Variants in EXOC6B observed in about 807,000 individuals in gnomAD.
EXOC6B encodes exocyst complex component 6B.
EXOC6B carries 54 observed loss-of-function variants against 113.5 expected under a neutral mutation model. That is an observed-to-expected ratio of 0.48 (90% CI 0.38 to 0.60). The LOEUF is 0.60. Ranked by LOEUF, EXOC6B falls within the 20% of genes least tolerant of loss-of-function variation. EXOC6B has a pLI of 0.00. For missense variants in EXOC6B, 797 were observed against 977.5 expected (o/e 0.82, Z 2.46); for synonymous variants, 357 against 339.0 (o/e 1.05, Z -0.58).
At position 72,553,980 on chromosome 2, in the gene EXOC6B, A is replaced by G. The variant is rs1194917841; in HGVS notation, c.915+5473T>C. The stretch of plus-strand genomic sequence containing the variant: ...GGTAGAAGAATGGTGAAATCATTGA[A>G]GCTTTACAAAAAGTTTATAAAGACA... On this transcript the variant is annotated intron_variant, in intron 8 of 21. Transcript: ENST00000272427. 2.0e-5 allele frequency among the ~76,000 whole-genome samples: 3 copies of G among 152,180 alleles called. No homozygotes were observed. In the East Asian group the frequency reaches 5.8e-4, roughly 29 times the overall value.
At chr2:72,422,519 T>A (rs928071091) in intron 18 of EXOC6B, among the ~76,000 whole-genome samples, 5 of 151,630 alleles carry the variant, frequency 3.3e-5, no homozygotes, top group African/African-American at 1.2e-4. Flanking sequence ...CAATCGACAC[T>A]CTGTATCTAG....
intron 19 of EXOC6B, among the ~76,000 whole-genome samples, chr2:72,361,008 C>T (rs1157384755): frequency 6.6e-6 from 1 of 151,852 alleles, no homozygotes. Context: ...CAACCCCATT[C>T]CCAGAGAAGA....
rs138658927 is a variant in EXOC6B, at chr2:72,492,211, A to G, written c.1665+107T>C. 252 of 517,552 alleles carry G rather than the reference A, an allele frequency of 4.9e-4. 1 individual carries two copies. Among genetic ancestry groups the G allele is most frequent in the African/African-American group, 4.4e-3 (227 of 52,052 alleles). The allele number at this position is 517,552 out of a possible 1,614,324, so 32.1% of individuals were successfully genotyped here. On this transcript the variant is annotated intron_variant, in intron 16 of 21. Coordinates refer to ENST00000272427, the MANE Select transcript of EXOC6B (RefSeq NM_015189.3). ...TTTGCACTTTCACCATTAGAAGCCT[A>G]TCAGGAAGAGCATGTAGAAAGTTTT...
chr2:72,637,451 C>T (rs753600335), intron 6 of EXOC6B, among the ~76,000 whole-genome samples: 1 of 152,032 alleles, frequency 6.6e-6, no homozygotes, highest in Admixed American at 6.6e-5. Flanking sequence ...ACAAACAACT[C>T]CATTTAAAAG....
intron 20 of EXOC6B, among the ~76,000 whole-genome samples, chr2:72,217,260 TC>T (rs2104411173): frequency 6.6e-6 from 1 of 152,168 alleles, no homozygotes; most frequent in Admixed American, 6.5e-5. Flanking sequence ...ATCATGCAAT[TC>T]TGGTACCTAA....
intron 16 of EXOC6B, among the ~76,000 whole-genome samples, chr2:72,488,651 C>T (rs979785757): frequency 1.3e-5 from 2 of 152,112 alleles, no homozygotes; most frequent in African/African-American, 4.8e-5. Flanking sequence ...TTCAACTCTT[C>T]ACTTTTTCTC....
chr2:72,541,055 C>T (rs967878879), intron 8 of EXOC6B, among the ~76,000 whole-genome samples: 14 of 152,284 alleles, frequency 9.2e-5, no homozygotes, highest in African/African-American at 3.1e-4. Flanking sequence ...AGAATTCCCA[C>T]CTTTTGTGGG....
intron 6 of EXOC6B, among the ~76,000 whole-genome samples, chr2:72,684,574 A>G (rs1253656533): frequency 6.6e-6 from 1 of 152,236 alleles, no homozygotes; most frequent in Non-Finnish European, 1.5e-5. Context: ...CATCTCAGGT[A>G]TCCATCAATA....
intron 6 of EXOC6B, among the ~76,000 whole-genome samples, chr2:72,584,412 A>G (rs2103885782): frequency 6.6e-6 from 1 of 152,334 alleles, no homozygotes; most frequent in Admixed American, 6.5e-5. Context: ...AAAAAAGGAC[A>G]AAGTAGGGCA....
At chr2:72,468,334 G>A (rs1325842078) in intron 17 of EXOC6B, among the ~76,000 whole-genome samples, 1 of 152,118 alleles carries the variant, frequency 6.6e-6, no homozygotes, top group African/African-American at 2.4e-5. Context: ...TATGGTGTGA[G>A]ATGAGGAACA....
At chr2:72,612,091 CA>C (rs1671108126) in intron 6 of EXOC6B, among the ~76,000 whole-genome samples, 3 of 151,868 alleles carry the variant, frequency 2.0e-5, no homozygotes, top group Admixed American at 2.0e-4. Context: ...GCCTGGGCAA[CA>C]TGGCAAAAAC....
At position 72,365,205 on chromosome 2, in the gene EXOC6B, T is replaced by C. The variant is rs141706063; in HGVS notation, c.2122+14524A>G. On this transcript the variant is annotated intron_variant, in intron 19 of 21. Coordinates refer to ENST00000272427, the MANE Select transcript of EXOC6B (RefSeq NM_015189.3). ...TATTTTCTTCCTGTACTTTTCTTTT[T>C]TCCCCACCATTTTCCACAATGAATA... is the stretch of plus-strand genomic sequence containing the variant. 9.1e-4 allele frequency among the ~76,000 whole-genome samples: 138 copies of C among 152,178 alleles called. 3 individuals are homozygous for C. The highest frequency in any genetic ancestry group is 3.4e-3 in the Middle Eastern group (1 of 294).
At chr2:72,348,836 A>G (rs181102423) in intron 19 of EXOC6B, among the ~76,000 whole-genome samples, 11 of 152,212 alleles carry the variant, frequency 7.2e-5, no homozygotes, top group Non-Finnish European at 1.2e-4. Context: ...TCACAAAAAA[A>G]GCTGAGAGTC....
At chr2:72,753,904 C>G (rs1306377985) in intron 1 of EXOC6B, among the ~76,000 whole-genome samples, 1 of 152,100 alleles carries the variant, frequency 6.6e-6, no homozygotes, top group Non-Finnish European at 1.5e-5. Context: ...ACTACTATAA[C>G]CTGATACAGA....
intron 20 of EXOC6B, among the ~76,000 whole-genome samples, chr2:72,283,987 T>C (rs771085469): frequency 7.9e-5 from 12 of 152,116 alleles, no homozygotes; most frequent in Non-Finnish European, 1.5e-4. Flanking sequence ...GAACCAATAA[T>C]TATAACCTCC....
chr2:72,752,725 C>T (rs571807042), intron 1 of EXOC6B, among the ~76,000 whole-genome samples: 1 of 152,194 alleles, frequency 6.6e-6, no homozygotes, highest in Admixed American at 6.6e-5. Context: ...TCACAATGAA[C>T]ATATTCTTGC....
At chr2:72,791,121 C>A (rs1312076612) in intron 1 of EXOC6B, among the ~76,000 whole-genome samples, 2 of 152,046 alleles carry the variant, frequency 1.3e-5, no homozygotes, top group Non-Finnish European at 2.9e-5. Flanking sequence ...AATAGTTATC[C>A]TATTTTGAAC....
intron 20 of EXOC6B, among the ~76,000 whole-genome samples, chr2:72,189,826 CTCTG>C (rs1199643319): frequency 2.0e-5 from 2 of 98,862 alleles, no homozygotes; most frequent in Non-Finnish European, 4.7e-5. Context: ...CCTTCATTCT[CTCTG>C]TCTCTCTCTC....
chr2:72,236,206 G>GCA (rs1681949113), intron 20 of EXOC6B, among the ~76,000 whole-genome samples: 1 of 152,202 alleles, frequency 6.6e-6, no homozygotes, highest in Non-Finnish European at 1.5e-5. Flanking sequence ...TTCAGTAACA[G>GCA]TGGTTGCTTA....
Sources: allele counts gnomAD v4.1 joint callset (sites outside exome capture counted in the v4.1 genomes callset), GRCh38; gene constraint gnomAD v4.1.1; transcripts MANE v1.5; gene names NCBI Gene and HGNC (gene_info 2026-07-23, HGNC 2026-07-21).